TRIO: variants seen among roughly 807,000 people sequenced by gnomAD.
The protein encoded by TRIO is trio Rho guanine nucleotide exchange factor, also known as triple functional domain protein.
A neutral mutation model predicts 351.9 loss-of-function variants in TRIO; 58 were observed. The ratio of observed to expected loss-of-function variants is 0.16; its 90% CI spans 0.13 to 0.21. The LOEUF (loss-of-function observed/expected upper bound fraction) is 0.21, where lower values mean the gene tolerates loss of function less well. TRIO is among the 10% of genes least tolerant of loss of function. TRIO has a pLI of 1.00. For missense variants in TRIO, 3,201 were observed against 4,027.8 expected (o/e 0.79, Z 5.56); for synonymous variants, 1,758 against 1,595.7 (o/e 1.10, Z -2.42).
intron 1 of TRIO, among the ~76,000 whole-genome samples, chr5:14,246,941 GCTCA>G (rs757606562): frequency 6.6e-6 from 1 of 152,164 alleles, no homozygotes; most frequent in Non-Finnish European, 1.5e-5. Flanking sequence ...TCTCCACCCT[GCTCA>G]CTGAGTCCCT....
intron 43 of TRIO, 101 bp downstream of exon 43, chr5:14,480,112 C>A: frequency 1.9e-6 from 2 of 1,046,508 alleles, no homozygotes; most frequent in Admixed American, 2.0e-5. Flanking sequence ...GGGGAATCAT[C>A]TGTGTAACAG....
intron 48 of TRIO, chr5:14,489,027 C>T: frequency 1.3e-6 from 1 of 765,302 alleles, no homozygotes. Flanking sequence ...CTGTTTCCTA[C>T]AGGGCAGATG....
intron 19 of TRIO, among the ~76,000 whole-genome samples, chr5:14,377,351 G>A (rs1457846070): frequency 6.6e-6 from 1 of 151,606 alleles, no homozygotes; most frequent in Non-Finnish European, 1.5e-5. Context: ...GTTCAAGGAA[G>A]TCTCCTGCCT....
chr5:14,457,639 C>G (rs1012021962), intron 34 of TRIO, among the ~76,000 whole-genome samples: 2 of 152,128 alleles, frequency 1.3e-5, no homozygotes, highest in African/African-American at 2.4e-5. Flanking sequence ...ATCCTTGTAA[C>G]GCCAGCTGGG....
intron 18 of TRIO, among the ~76,000 whole-genome samples, chr5:14,372,684 T>A (rs1038246579): frequency 2.6e-5 from 4 of 152,100 alleles, no homozygotes; most frequent in Admixed American, 6.5e-5. Context: ...TACATATGAC[T>A]TTTTTTTAGT....
At chr5:14,367,428 TATC>T (rs1295952984) in intron 16 of TRIO, among the ~76,000 whole-genome samples, 4 of 152,144 alleles carry the variant, frequency 2.6e-5, no homozygotes, top group African/African-American at 9.7e-5. Flanking sequence ...ACCAGGTGTA[TATC>T]ATGAATTCAC....
chr5:14,291,089 A>C lies in TRIO; in HGVS notation c.914A>C (p.Gln305Pro), dbSNP rs1297950210. Residue 305 changes from glutamine (Q) to proline (P), a missense_variant, in exon 5 of 57, where the codon CAG (glutamine) becomes CCG (proline). Around this residue, in one of 19 missense-constraint regions of TRIO, gnomAD observed 349 missense variants for 449.3 expected, o/e 0.78. Coordinates refer to ENST00000344204, the MANE Select transcript of TRIO (RefSeq NM_007118.4). ...KNSGSGNADL[Q>P]NLLPKVSTML... Reference sequence around the variant, plus strand: ...TCAGGCTCAGGCAATGCGGACCTGCAGAACCTCTTGCCCAAGGTGTCCACC... The same window carrying C: ...TCAGGCTCAGGCAATGCGGACCTGCCGAACCTCTTGCCCAAGGTGTCCACC... 17 of 1,614,226 alleles carry C rather than the reference A, an allele frequency of 1.1e-5. No homozygotes were observed. Among genetic ancestry groups the C allele is most frequent in the Non-Finnish European group, 1.4e-5 (16 of 1,180,038 alleles).
intron 11 of TRIO, among the ~76,000 whole-genome samples, chr5:14,346,213 G>T (rs1482420465): frequency 6.6e-6 from 1 of 152,152 alleles, no homozygotes; most frequent in Non-Finnish European, 1.5e-5. Flanking sequence ...ATCAAGGAAG[G>T]GTTGAGCTTT....
intron 1 of TRIO, among the ~76,000 whole-genome samples, chr5:14,245,606 G>A (rs905027248): frequency 3.3e-5 from 5 of 152,208 alleles, no homozygotes; most frequent in South Asian, 2.1e-4. Context: ...ATGCCTCGGC[G>A]TGGAGAGTCT....
intron 34 of TRIO, among the ~76,000 whole-genome samples, chr5:14,422,504 C>T (rs970956063): frequency 2.0e-5 from 3 of 152,070 alleles, no homozygotes; most frequent in African/African-American, 2.4e-5. Flanking sequence ...TATTTGCTTG[C>T]GAATAATAAG....
intron 21 of TRIO, among the ~76,000 whole-genome samples, chr5:14,385,711 G>A (rs1311501778): frequency 1.3e-5 from 2 of 152,274 alleles, no homozygotes; most frequent in Admixed American, 1.3e-4. Context: ...TCCTGTAAAT[G>A]TATTTTAAAA....
chr5:14,342,065 C>T (rs1741984921), intron 11 of TRIO, among the ~76,000 whole-genome samples: 1 of 152,056 alleles, frequency 6.6e-6, no homozygotes, highest in Non-Finnish European at 1.5e-5. Flanking sequence ...ATTGAGCATC[C>T]AGTCTTCTTT....
In TRIO at chr5:14,487,896, C is replaced by T. The variant is rs894555448; in HGVS notation, c.7268C>T (p.Ala2423Val). 3.2e-6 allele frequency: 5 copies of T among 1,538,732 alleles called. No individual in the cohort carries two copies. Among genetic ancestry groups the T allele is most frequent in the Non-Finnish European group, 4.4e-6 (5 of 1,142,828 alleles). ...CTGGAGAGCCCCAGGAAAGGCGCCG[C>T]GAACGCCTCGGGGTCGAGCCCAGAC... The part of the protein sequence containing the change: ...KVLESPRKGA[A>V]NASGSSPDAP... Residue 2423 changes from alanine to valine, a missense_variant, in exon 48 of 57, where the codon GCG becomes GTG. Ala to Val is a moderately conservative substitution (Grantham distance 64, BLOSUM62 0). Coordinates refer to ENST00000344204, the MANE Select transcript of TRIO (RefSeq NM_007118.4).
At chr5:14,254,573 C>T (rs1370513059) in intron 1 of TRIO, among the ~76,000 whole-genome samples, 1 of 152,152 alleles carries the variant, frequency 6.6e-6, no homozygotes, top group African/African-American at 2.4e-5. Flanking sequence ...TGTGGATGGC[C>T]AGGCCATCTT....
chr5:14,244,947 A>G (rs1472064011), intron 1 of TRIO, among the ~76,000 whole-genome samples: 1 of 152,130 alleles, frequency 6.6e-6, no homozygotes, highest in African/African-American at 2.4e-5. Context: ...CCAGGAAAAG[A>G]GAGTCTGAGA....
intron 41 of TRIO, among the ~76,000 whole-genome samples, chr5:14,477,489 G>T (rs192392781): frequency 6.6e-6 from 1 of 152,246 alleles, no homozygotes; most frequent in Non-Finnish European, 1.5e-5. Flanking sequence ...ACTCATTGCT[G>T]TGTTTTTTGG....
intron 1 of TRIO, among the ~76,000 whole-genome samples, chr5:14,262,458 T>TC (rs1338637510): frequency 6.6e-6 from 1 of 152,018 alleles, no homozygotes; most frequent in Non-Finnish European, 1.5e-5. Flanking sequence ...GCAGCATACA[T>TC]CAGATCATGA....
In TRIO at chr5:14,385,970, G is replaced by C. The variant is rs554269562; in HGVS notation, c.3571-1468G>C. ...CTCCACAGATGGCCCTTGTGGCAAT[G>C]TAAGAGATGTTAGTGAAACAAGCAA... On this transcript the variant is annotated intron_variant, in intron 21 of 56. Coordinates refer to ENST00000344204, the MANE Select transcript of TRIO (RefSeq NM_007118.4). Among the ~76,000 whole-genome samples the C allele has an allele frequency of 5.3e-5, 8 of 152,364 alleles. No individual in the cohort carries two copies. In the East Asian group the frequency reaches 1.5e-3, roughly 29 times the overall value.
intron 3 of TRIO, among the ~76,000 whole-genome samples, chr5:14,283,967 CTAAT>C (rs1236493605): frequency 6.6e-6 from 1 of 151,908 alleles, no homozygotes; most frequent in Non-Finnish European, 1.5e-5. Flanking sequence ...GTATTTAATA[CTAAT>C]TATGTTCTAG....
Sources: allele counts gnomAD v4.1 joint callset (sites outside exome capture counted in the v4.1 genomes callset), GRCh38; gene constraint gnomAD v4.1.1; regional missense constraint gnomAD v4.1.1; transcripts MANE v1.5; gene names NCBI Gene and HGNC (gene_info 2026-07-23, HGNC 2026-07-21).